Variants in KCNQ5 observed in about 807,000 individuals in gnomAD.
The protein encoded by KCNQ5 is potassium voltage-gated channel subfamily KQT member 5.
In KCNQ5, 30 loss-of-function variants were observed where a neutral mutation model predicts 98.2. That is an observed-to-expected ratio of 0.31 (90% CI 0.23 to 0.41). KCNQ5 has a LOEUF of 0.41. KCNQ5 is among the 10% of genes least tolerant of loss of function. The probability of loss-of-function intolerance (pLI) is 1.00; values close to 1 mark genes in which losing one functional copy is unlikely to be tolerated. For missense variants in KCNQ5, 835 were observed against 1,182.5 expected, an observed-to-expected ratio of 0.71 and a Z score of 4.31; for synonymous variants, 458 against 449.4, an observed-to-expected ratio of 1.02 and a Z score of -0.24.
intron 1 of KCNQ5, among the ~76,000 whole-genome samples, chr6:72,971,766 C>T (rs937000751): frequency 8.5e-5 from 13 of 152,100 alleles, no homozygotes; most frequent in Non-Finnish European, 1.6e-4. Flanking sequence ...CATGTTCTCA[C>T]TCATAGGTGG....
At chr6:72,983,971 T>C (rs112460143) in intron 1 of KCNQ5, among the ~76,000 whole-genome samples, 1 of 152,134 alleles carries the variant, frequency 6.6e-6, no homozygotes, top group East Asian at 1.9e-4. Flanking sequence ...GGCGGTCCAC[T>C]CCTGGCGGTC....
At chr6:72,747,849 A>C (rs939774513) in intron 1 of KCNQ5, among the ~76,000 whole-genome samples, 2 of 152,172 alleles carry the variant, frequency 1.3e-5, no homozygotes, top group African/African-American at 4.8e-5. Flanking sequence ...TAAATTGGTA[A>C]AGCAAGATCC....
At chr6:72,709,257 TA>T (rs1404387894) in intron 1 of KCNQ5, among the ~76,000 whole-genome samples, 1 of 152,258 alleles carries the variant, frequency 6.6e-6, no homozygotes, top group East Asian at 1.9e-4. Flanking sequence ...AGTGTGCTTT[TA>T]TTGCCTTGTT....
chr6:73,010,386 T>C (rs549481804), intron 2 of KCNQ5, among the ~76,000 whole-genome samples: 29 of 152,010 alleles, frequency 1.9e-4, no homozygotes, highest in African/African-American at 6.3e-4. Flanking sequence ...AAGCCACATA[T>C]GAAAAACCTA....
intron 1 of KCNQ5, among the ~76,000 whole-genome samples, chr6:72,642,764 A>G (rs929864311): frequency 7.9e-5 from 12 of 152,276 alleles, no homozygotes; most frequent in African/African-American, 1.2e-4. Flanking sequence ...CTGGATATGT[A>G]CCCAAAGGAA....
chr6:72,877,014 G>T (rs143152450), intron 1 of KCNQ5, among the ~76,000 whole-genome samples: 1 of 152,026 alleles, frequency 6.6e-6, no homozygotes, highest in African/African-American at 2.4e-5. Context: ...GGTCTGTCCC[G>T]TATGCATCCC....
chr6:72,635,654 A>T (rs1582017569), intron 1 of KCNQ5, among the ~76,000 whole-genome samples: 1 of 128,494 alleles, frequency 7.8e-6, no homozygotes, highest in African/African-American at 2.9e-5. Context: ...TTTTTCTTCC[A>T]GTTAAATTGC....
At chr6:73,003,397 G>C (rs1415922683) in intron 1 of KCNQ5, among the ~76,000 whole-genome samples, 1 of 151,996 alleles carries the variant, frequency 6.6e-6, no homozygotes, top group Non-Finnish European at 1.5e-5. Context: ...ATAATATAAA[G>C]GAATAGCAAA....
At chr6:73,124,534 A>C in intron 9 of KCNQ5, 22 bp downstream of exon 9, 1 of 1,611,508 alleles carries the variant, frequency 6.2e-7, no homozygotes, top group Non-Finnish European at 8.5e-7. Flanking sequence ...CTCTCTTGCT[A>C]CATGTTTGTT....
intron 1 of KCNQ5, among the ~76,000 whole-genome samples, chr6:72,758,233 T>A (rs79340286): frequency 0.011 from 1,627 of 152,166 alleles, 27 homozygotes; most frequent in African/African-American, 0.037. Flanking sequence ...GCTCTTCTTA[T>A]TTTCCTTAAG....
At chr6:72,926,270 G>C (rs769326599) in intron 1 of KCNQ5, among the ~76,000 whole-genome samples, 3 of 152,072 alleles carry the variant, frequency 2.0e-5, no homozygotes, top group African/African-American at 7.2e-5. Flanking sequence ...AGGTTAATTA[G>C]TATTACTGCT....
chr6:72,656,146 G>A (rs1240383295), intron 1 of KCNQ5, among the ~76,000 whole-genome samples: 1 of 152,142 alleles, frequency 6.6e-6, no homozygotes, highest in Non-Finnish European at 1.5e-5. Flanking sequence ...CCACCAAAGT[G>A]GATGCATAAT....
intron 10 of KCNQ5, among the ~76,000 whole-genome samples, chr6:73,145,270 A>T (rs1313149288): frequency 6.6e-6 from 1 of 152,218 alleles, no homozygotes; most frequent in Non-Finnish European, 1.5e-5. Context: ...AGATAAGGAA[A>T]TTGAGACTCA....
At chr6:73,157,862 C>A (rs1023129772) in intron 10 of KCNQ5, 2 of 779,138 alleles carry the variant, frequency 2.6e-6, no homozygotes, top group South Asian at 2.7e-5. Flanking sequence ...TGTGGGTTTT[C>A]GGGATCTAAG....
At chr6:72,697,755 G>T (rs1007732904) in intron 1 of KCNQ5, among the ~76,000 whole-genome samples, 3 of 152,036 alleles carry the variant, frequency 2.0e-5, no homozygotes, top group African/African-American at 7.2e-5. Flanking sequence ...TTATTAAAAG[G>T]GTTCCTTTTT....
intron 5 of KCNQ5, among the ~76,000 whole-genome samples, chr6:73,081,491 A>G (rs898847323): frequency 6.6e-6 from 1 of 152,102 alleles, no homozygotes; most frequent in Non-Finnish European, 1.5e-5. Flanking sequence ...TTATTTTGAA[A>G]TAACTTAAGA....
chr6:72,870,320 G>T (rs1356578186), intron 1 of KCNQ5, among the ~76,000 whole-genome samples: 1 of 152,064 alleles, frequency 6.6e-6, no homozygotes, highest in Non-Finnish European at 1.5e-5. Flanking sequence ...TGTCACCTAG[G>T]CTGGAGTGCA....
intron 1 of KCNQ5, among the ~76,000 whole-genome samples, chr6:72,834,524 T>G (rs568474249): frequency 1.3e-5 from 2 of 152,134 alleles, no homozygotes; most frequent in Non-Finnish European, 2.9e-5. Context: ...CAAGACCTGA[T>G]TACAGGTAGT....
intron 2 of KCNQ5, among the ~76,000 whole-genome samples, chr6:73,030,227 A>G (rs1366255949): frequency 2.0e-5 from 3 of 152,158 alleles, no homozygotes; most frequent in Non-Finnish European, 4.4e-5. Context: ...AGGATAGTTA[A>G]CTTCTTTATG....
Sources: gnomAD v4.1 joint callset for allele counts (sites outside exome capture counted in the v4.1 genomes callset) on GRCh38, gnomAD v4.1.1 for gene constraint, MANE v1.5 for transcripts, NCBI Gene and HGNC (gene_info 2026-07-23, HGNC 2026-07-21) for gene names.